The following SHISA9 variants were observed in gnomAD, a reference collection of about 807,000 sequenced individuals.
The protein encoded by SHISA9 is shisa family member 9.
A neutral mutation model predicts 38.0 loss-of-function variants in SHISA9; 13 were observed. The observed-to-expected ratio is 0.34, with a 90% confidence interval of 0.22 to 0.54. SHISA9 has a LOEUF of 0.54. Ranked by LOEUF, SHISA9 falls within the 20% of genes least tolerant of loss-of-function variation. The pLI is 0.91. For synonymous variants in SHISA9, 275 were observed against 242.0 expected (o/e 1.14, Z -1.27); for missense variants, 538 against 575.8 (o/e 0.93, Z 0.67).
chr16:13,492,319 G>A, the SHISA9 span, among the ~76,000 whole-genome samples: 1 of 152,162 alleles, frequency 6.6e-6, no homozygotes, highest in Non-Finnish European at 1.5e-5. Context: ...TGGGAAGCAG[G>A]CCATGTTCCT....
chr16:13,498,797 G>GT, the SHISA9 span, among the ~76,000 whole-genome samples: 2 of 152,076 alleles, frequency 1.3e-5, no homozygotes, highest in African/African-American at 4.8e-5. Flanking sequence ...TCATGAATTT[G>GT]TTTTCAAAGA....
At chr16:13,247,413 A>G in the SHISA9 span, among the ~76,000 whole-genome samples, 5 of 152,164 alleles carry the variant, frequency 3.3e-5, no homozygotes, top group African/African-American at 9.7e-5. Flanking sequence ...TCATAACTCC[A>G]TTTTAAAGAT....
chr16:13,305,834 G>A, the SHISA9 span, among the ~76,000 whole-genome samples: 342 of 152,300 alleles, frequency 2.2e-3, no homozygotes, highest in Non-Finnish European at 3.6e-3. Flanking sequence ...ACACAAGTTT[G>A]GTTTGAACAT....
chr16:13,463,275 A>G, the SHISA9 span, among the ~76,000 whole-genome samples: 3 of 152,242 alleles, frequency 2.0e-5, no homozygotes, highest in Non-Finnish European at 4.4e-5. Context: ...CAATAGTTCA[A>G]TCCTGAGGAA....
the SHISA9 span, among the ~76,000 whole-genome samples, chr16:13,368,618 G>A: frequency 6.6e-6 from 1 of 151,896 alleles, no homozygotes; most frequent in Non-Finnish European, 1.5e-5. Context: ...AAAATGATGG[G>A]GTGTGCTGTA....
At chr16:13,017,887 C>T (rs1179258958) in intron 2 of SHISA9, among the ~76,000 whole-genome samples, 1 of 152,228 alleles carries the variant, frequency 6.6e-6, no homozygotes, top group Non-Finnish European at 1.5e-5. Flanking sequence ...AGGGCTATCA[C>T]ATTCAATCCC....
At chr16:13,269,987 A>AAG in the SHISA9 span, among the ~76,000 whole-genome samples, 1 of 152,154 alleles carries the variant, frequency 6.6e-6, no homozygotes, top group Non-Finnish European at 1.5e-5. Flanking sequence ...AGGGCATTAG[A>AAG]ATGAGACCCA....
chr16:13,049,196 G>GTGTGTGTGTGTGTT (rs1470308261), intron 2 of SHISA9, among the ~76,000 whole-genome samples: 35 of 145,788 alleles, frequency 2.4e-4, no homozygotes, highest in Middle Eastern at 7.3e-3. Context: ...GTGTGTGTGT[G>GTGTGTGTGTGTGTT]TGTGTGTGTA....
the SHISA9 span, among the ~76,000 whole-genome samples, chr16:13,525,298 T>G: frequency 1.3e-5 from 2 of 152,174 alleles, no homozygotes; most frequent in Non-Finnish European, 2.9e-5. Flanking sequence ...TGTGAATGAA[T>G]CGGATGCCAT....
intron 2 of SHISA9, among the ~76,000 whole-genome samples, chr16:12,968,822 T>C (rs1226938287): frequency 6.6e-6 from 1 of 152,160 alleles, no homozygotes; most frequent in Non-Finnish European, 1.5e-5. Context: ...ATAGATGATA[T>C]ATGTAAATGA....
chr16:13,063,196 C>T (rs190414853), intron 2 of SHISA9, among the ~76,000 whole-genome samples: 140 of 151,982 alleles, frequency 9.2e-4, no homozygotes, highest in Middle Eastern at 3.4e-3. Flanking sequence ...TTAGTTGAGA[C>T]GGGATTTCAC....
chr16:13,534,523 C>T, the SHISA9 span, among the ~76,000 whole-genome samples: 1 of 152,172 alleles, frequency 6.6e-6, no homozygotes, highest in Non-Finnish European at 1.5e-5. Flanking sequence ...CCATGCCAGG[C>T]CCACAGAATA....
intron 2 of SHISA9, among the ~76,000 whole-genome samples, chr16:12,941,427 A>G (rs964741158): frequency 1.3e-5 from 2 of 152,222 alleles, no homozygotes; most frequent in African/African-American, 2.4e-5. Context: ...TACATGATAT[A>G]TTTTGATACA....
the SHISA9 span, chr16:13,246,357 C>A: frequency 6.6e-6 from 1 of 152,370 alleles, no homozygotes; most frequent in South Asian, 2.1e-4. Flanking sequence ...CACCTTCTGC[C>A]ATGATTATGA....
At chr16:13,171,936 TA>T (rs1596700361) in intron 2 of SHISA9, among the ~76,000 whole-genome samples, 1 of 152,200 alleles carries the variant, frequency 6.6e-6, no homozygotes, top group East Asian at 1.9e-4. Context: ...GACTTACTTC[TA>T]GTTTTACAGT....
At chr16:13,526,143 T>C in the SHISA9 span, among the ~76,000 whole-genome samples, 5 of 152,230 alleles carry the variant, frequency 3.3e-5, no homozygotes, top group Admixed American at 3.3e-4. Context: ...CTGGAGCCAG[T>C]AGGAGTGTAC....
chr16:13,095,931 C>T (rs967743502), intron 2 of SHISA9, among the ~76,000 whole-genome samples: 13 of 152,138 alleles, frequency 8.5e-5, no homozygotes, highest in East Asian at 1.9e-4. Context: ...GGGCAGGGCC[C>T]GAGAATTTCC....
chr16:12,998,092 C>T (rs1033885784), intron 2 of SHISA9, among the ~76,000 whole-genome samples: 3 of 152,178 alleles, frequency 2.0e-5, no homozygotes, highest in East Asian at 1.9e-4. Flanking sequence ...ATGCTCAGTA[C>T]ATATTTGTTG....
At chr16:13,442,500 G>A in the SHISA9 span, among the ~76,000 whole-genome samples, 1 of 152,072 alleles carries the variant, frequency 6.6e-6, no homozygotes, top group Non-Finnish European at 1.5e-5. Flanking sequence ...TAGAGACAGG[G>A]TTTCACCTTG....
Sources: gnomAD v4.1 joint callset for allele counts (sites outside exome capture counted in the v4.1 genomes callset) on GRCh38, gnomAD v4.1.1 for gene constraint, MANE v1.5 for transcripts, NCBI Gene and HGNC (gene_info 2026-07-23, HGNC 2026-07-21) for gene names.